Variants in VPS26B observed in about 807,000 individuals in gnomAD.
VPS26B encodes the protein VPS26 retromer complex component B, also known as vacuolar protein sorting-associated protein 26B.
VPS26B carries 10 observed loss-of-function variants against 33.3 expected under a neutral mutation model. The observed-to-expected ratio is 0.30, with a 90% CI of 0.19 to 0.51. The LOEUF (loss-of-function observed/expected upper bound fraction) is 0.51, where lower values mean the gene tolerates loss of function less well. VPS26B is among the 20% of genes least tolerant of loss of function. The pLI is 0.98. For missense variants in VPS26B, 317 were observed against 452.7 expected, an observed-to-expected ratio of 0.70 and a Z score of 2.72; for synonymous variants, 190 against 176.9, an observed-to-expected ratio of 1.07 and a Z score of -0.59.
At chr11:134,228,047 C>T (rs910246002) in intron 1 of VPS26B, among the ~76,000 whole-genome samples, 1 of 152,210 alleles carries the variant, frequency 6.6e-6, no homozygotes, top group Non-Finnish European at 1.5e-5. Flanking sequence ...TGTTCACGCT[C>T]AATTATCCAT....
chr11:134,224,980 C>A lies in VPS26B; in HGVS notation c.-143C>A. 1.6e-6 allele frequency: 1 copy of A among 608,800 alleles called. No individual in the cohort carries two copies. The highest frequency in any genetic ancestry group is 4.8e-5 in the Admixed American group (1 of 20,770). 37.7% of individuals were successfully genotyped at this position (608,800 alleles called of 1,614,324 possible). ...CGGCTGTCCGTCGGCGCCCACTGCC[C>A]GGCGGCAGCGGCGGAGCCAGGCAGC... is the stretch of plus-strand genomic sequence containing the variant. On this transcript the variant is annotated 5_prime_UTR_variant, in exon 1 of 6. Transcript: ENST00000281187.
At chr11:134,234,843 C>A (rs369081441) in intron 1 of VPS26B, 54 bp from the exon 2 acceptor site, 3 of 1,585,868 alleles carry the variant, frequency 1.9e-6, no homozygotes, top group African/African-American at 1.3e-5. Flanking sequence ...CTACTCGGCC[C>A]GGTGTAGCTC....
intron 2 of VPS26B, among the ~76,000 whole-genome samples, chr11:134,236,140 T>A (rs1308027762): frequency 1.3e-5 from 2 of 151,502 alleles, no homozygotes; most frequent in East Asian, 1.9e-4. Flanking sequence ...TGAGACCCTA[T>A]CTCTACGAAA....
At chr11:134,225,707 G>T (rs187475166) in intron 1 of VPS26B, among the ~76,000 whole-genome samples, 1 of 152,324 alleles carries the variant, frequency 6.6e-6, no homozygotes, top group East Asian at 1.9e-4. Context: ...TAGCCTGCAG[G>T]TGGGTTTGTT....
chr11:134,235,174 G>C (rs1454355778), intron 2 of VPS26B, 121 bp downstream of exon 2: 1 of 1,270,266 alleles, frequency 7.9e-7, no homozygotes, highest in Non-Finnish European at 1.1e-6. Context: ...AGTGTCGCGA[G>C]CTGTGGCGTG....
Position 134,243,221 on chromosome 11 carries a change from T to C in VPS26B, c.648T>C (p.Gly216=). Residue 216 remains glycine (G), a synonymous_variant, in exon 4 of 6, where the codon GGT becomes GGC. Transcript: ENST00000281187. ...ACATCATCAAGCGAGAAACGACGGG[T>C]ACAGGCCCCAACGTGTACCATGAGA... ...EIDIIKRETT[G]TGPNVYHEND... 1 of 1,614,098 alleles carries C rather than the reference T, an allele frequency of 6.2e-7. No homozygotes were observed. Among genetic ancestry groups the C allele is most frequent in the Non-Finnish European group, 8.5e-7 (1 of 1,180,032 alleles).
intron 1 of VPS26B, among the ~76,000 whole-genome samples, chr11:134,226,449 A>G (rs977097097): frequency 1.3e-5 from 2 of 152,186 alleles, no homozygotes; most frequent in African/African-American, 4.8e-5. Context: ...AGACAGTAAA[A>G]GGCAGTAATG....
chr11:134,240,660 C>T lies in VPS26B; in HGVS notation c.545+505C>T, dbSNP rs1422386783. On this transcript the variant is annotated intron_variant, in intron 3 of 5. Transcript: ENST00000281187. The surrounding 1 kb of genome is among the most constrained non-coding windows in gnomAD (Gnocchi z 4.4). ...TTTTTCAAGATGGGGTACAGTGGCC[C>T]AGTCATGGCTTACTACAGCCTTGAC... is the stretch of plus-strand genomic sequence containing the variant. 6.6e-6 allele frequency among the ~76,000 whole-genome samples: 1 copy of T among 151,994 alleles called. No homozygotes were observed. Among genetic ancestry groups the T allele is most frequent in the Non-Finnish European group, 1.5e-5 (1 of 68,008 alleles).
At chr11:134,236,157 A>AT (rs1938629249) in intron 2 of VPS26B, among the ~76,000 whole-genome samples, 3 of 151,940 alleles carry the variant, frequency 2.0e-5, no homozygotes, top group African/African-American at 7.3e-5. Flanking sequence ...GAAAAAAAAA[A>AT]ATTTTTTTAA....
In VPS26B at chr11:134,245,895, G is replaced by A; in HGVS notation, c.*305G>A. 2.8e-6 allele frequency: 1 copy of A among 354,598 alleles called. No individual in the cohort carries two copies. The highest frequency in any genetic ancestry group is 5.3e-6 in the Non-Finnish European group (1 of 188,702). 22.0% of individuals were successfully genotyped at this position (354,598 alleles called of 1,614,324 possible). ...GCTGCCTTGCGTCTTAGAGGAGGGA[G>A]AGCAGAGAGCACGCATCCTTGGCTC... On this transcript the variant is annotated 3_prime_UTR_variant, in exon 6 of 6. Transcript: ENST00000281187. The surrounding 1 kb of genome is among the most constrained non-coding windows in gnomAD (Gnocchi z 4.7).
At chr11:134,234,043 C>T (rs935766397) in intron 1 of VPS26B, among the ~76,000 whole-genome samples, 2 of 152,132 alleles carry the variant, frequency 1.3e-5, no homozygotes, top group African/African-American at 4.8e-5. Context: ...AGTTCTCAGG[C>T]CCCATCCCAG....
chr11:134,227,472 T>C (rs1391261617), intron 1 of VPS26B, among the ~76,000 whole-genome samples: 1 of 152,192 alleles, frequency 6.6e-6, no homozygotes, highest in Non-Finnish European at 1.5e-5. Flanking sequence ...AAATTAGCTG[T>C]TCTAGGAACC....
At chr11:134,239,794 G>A in intron 2 of VPS26B, 197 bp from the exon 3 acceptor site, 3 of 609,026 alleles carry the variant, frequency 4.9e-6, no homozygotes, top group Non-Finnish European at 8.6e-6. Flanking sequence ...TAGAATTGTG[G>A]TTGAAAAGGT....
rs1381214559 is a variant in VPS26B at position 134,245,064 on chromosome 11, G to A, written c.848G>A (p.Arg283His). 6 of 1,613,948 alleles carry A rather than the reference G, an allele frequency of 3.7e-6. No homozygotes were observed. The African/African-American group carries it at 4.0e-5, about 11-fold the overall frequency. The stretch of plus-strand genomic sequence containing the variant: ...GTGCTGATAGACGAGGAGGAGCGGC[G>A]CTACTTCAAGCAGCAGGTGAGGGCC... The part of the protein sequence containing the change: ...NLVLIDEEER[R>H]YFKQQEVVLW... The change falls in exon 5 of 6, where the codon CGC (arginine) becomes CAC (histidine). Residue 283 changes from arginine to histidine, a missense_variant. Physicochemically the swap from Arg to His is conservative, Grantham distance 29. Coordinates refer to ENST00000281187, the MANE Select transcript of VPS26B (RefSeq NM_052875.5). This position sits in a 1 kb window ranked among gnomAD's most constrained non-coding sequence, Gnocchi z 4.7.
chr11:134,243,442 GC>G, intron 4 of VPS26B, 148 bp downstream of exon 4: 1 of 997,646 alleles, frequency 1.0e-6, no homozygotes, highest in Non-Finnish European at 1.4e-6. Flanking sequence ...ACCGTGGGTG[GC>G]CATAAGGAAG....
chr11:134,225,623 T>A (rs1591874848), intron 1 of VPS26B, among the ~76,000 whole-genome samples: 1 of 152,310 alleles, frequency 6.6e-6, no homozygotes, highest in South Asian at 2.1e-4. Context: ...GCCTATGGGT[T>A]CTCCCCATTG....
At position 134,245,092 on chromosome 11, in the gene VPS26B, G is replaced by A. The variant is rs745422363; in HGVS notation, c.864+12G>A. On this transcript the variant is annotated intron_variant, in intron 5 of 5. Transcript: ENST00000281187. The surrounding 1 kb of genome is among the most constrained non-coding windows in gnomAD (Gnocchi z 4.7). ...ACTTCAAGCAGCAGGTGAGGGCCAG[G>A]CTCCTCCAGGCCCCGATGCCCTTGG... 20 of 1,613,510 alleles carry A rather than the reference G, an allele frequency of 1.2e-5. No homozygotes were observed. The highest frequency in any genetic ancestry group is 1.7e-5 in the Non-Finnish European group (20 of 1,179,926).
At position 134,245,651 on chromosome 11, in the gene VPS26B, G is replaced by A. The variant is rs889619245; in HGVS notation, c.*61G>A. ...AGCACCCCCATCTACCAACACCAGCGGCTGGGGGCGGGGGCGGACCTTGTG... is the reference window on the plus strand; with the variant it reads ...AGCACCCCCATCTACCAACACCAGCAGCTGGGGGCGGGGGCGGACCTTGTG... On this transcript the variant is annotated 3_prime_UTR_variant, in exon 6 of 6. Transcript: ENST00000281187. The surrounding 1 kb of genome is among the most constrained non-coding windows in gnomAD (Gnocchi z 4.7). 166 of 1,528,288 alleles carry A rather than the reference G, an allele frequency of 1.1e-4. 2 individuals are homozygous for A. In the Admixed American group the frequency reaches 2.5e-3, roughly 23 times the overall value. The allele number at this position is 1,528,288 out of a possible 1,614,324, so 94.7% of individuals were successfully genotyped here. A position where few individuals can be genotyped will look rare whatever the true frequency, so the allele number is the denominator to read the frequency against.
rs1240026190 is a variant in VPS26B at position 134,246,206 on chromosome 11, G to C, written c.*616G>C. ...CTTCTCCATCCTCTCTGGATTGTCA[G>C]TAATGTCCTGGAACAGAAGCCTGTG... On this transcript the variant is annotated 3_prime_UTR_variant, in exon 6 of 6. Coordinates refer to ENST00000281187, the MANE Select transcript of VPS26B (RefSeq NM_052875.5). The C allele has an allele frequency of 2.0e-5, 3 of 153,224 alleles. No homozygotes were observed. Among genetic ancestry groups the C allele is most frequent in the African/African-American group, 7.2e-5 (3 of 41,466 alleles). 9.5% of individuals were successfully genotyped at this position (153,224 alleles called of 1,614,324 possible).
Sources: allele counts gnomAD v4.1 joint callset (sites outside exome capture counted in the v4.1 genomes callset), GRCh38; gene constraint gnomAD v4.1.1; non-coding constraint Gnocchi (gnomAD v3.1); transcripts MANE v1.5; gene names NCBI Gene and HGNC (gene_info 2026-07-23, HGNC 2026-07-21).